IQCJ: variants seen among roughly 807,000 people sequenced by gnomAD.
IQCJ encodes the protein IQ domain-containing protein J.
Under a neutral mutation model 11.0 loss-of-function variants are expected in IQCJ, and 9 were observed. The observed-to-expected ratio is 0.82, with a 90% CI of 0.49 to 1.43. The LOEUF (loss-of-function observed/expected upper bound fraction) is 1.43. Among genes scored for constraint, IQCJ ranks in the 40% most tolerant of loss-of-function variants. The probability of loss-of-function intolerance (pLI) is 0.00; values close to 1 mark genes in which losing one functional copy is unlikely to be tolerated. For missense variants in IQCJ, 146 were observed against 133.2 expected, an observed-to-expected ratio of 1.10 and a Z score of -0.47; for synonymous variants, 55 against 51.3, an observed-to-expected ratio of 1.07 and a Z score of -0.31.
intron 1 of IQCJ, among the ~76,000 whole-genome samples, chr3:159,228,680 A>G (rs556467387): frequency 6.6e-6 from 1 of 151,872 alleles, no homozygotes; most frequent in Non-Finnish European, 1.5e-5. Flanking sequence ...AGTCCCAGCT[A>G]CTTGGGAGGC....
intron 1 of IQCJ, among the ~76,000 whole-genome samples, chr3:159,128,303 T>G (rs1501285): frequency 1 from 151,675 of 152,296 alleles, 75,534 homozygotes; most frequent in East Asian, 1. Context: ...AATTGGTTGT[T>G]GATATGTCTA....
At chr3:159,226,691 G>A (rs7609939) in intron 1 of IQCJ, among the ~76,000 whole-genome samples, 5,039 of 152,262 alleles carry the variant, frequency 0.033, 257 homozygotes, top group African/African-American at 0.12. Context: ...ATTGGGTGAG[G>A]AAAGTACAGA....
At chr3:159,134,472 A>T (rs1477206780) in intron 1 of IQCJ, among the ~76,000 whole-genome samples, 1 of 152,204 alleles carries the variant, frequency 6.6e-6, no homozygotes, top group East Asian at 1.9e-4. Context: ...TTATGATTAC[A>T]CATTTAGAAT....
intron 1 of IQCJ, among the ~76,000 whole-genome samples, chr3:159,141,439 G>A (rs1369352941): frequency 6.6e-6 from 1 of 152,134 alleles, no homozygotes; most frequent in Non-Finnish European, 1.5e-5. Context: ...GTTTTAAGCA[G>A]TAAAGGTGAG....
chr3:159,162,879 G>T (rs1293602206), intron 1 of IQCJ, among the ~76,000 whole-genome samples: 1 of 152,190 alleles, frequency 6.6e-6, no homozygotes, highest in East Asian at 1.9e-4. Flanking sequence ...CCAGGAAGAA[G>T]TTGAATCTCT....
At position 159,092,640 on chromosome 3, in the gene IQCJ, G is replaced by A. The variant is rs564131885; in HGVS notation, c.9+23199G>A. 8.2e-4 allele frequency among the ~76,000 whole-genome samples: 124 copies of A among 150,532 alleles called. 2 individuals carry two copies. Among genetic ancestry groups the A allele is most frequent in the African/African-American group, 2.9e-3 (119 of 40,354 alleles). The stretch of plus-strand genomic sequence containing the variant: ...GTGAACCTGGGAGGCGGAGCTTGCA[G>A]GGAGCCGAGATTGCACCACTGCACT... On this transcript the variant is annotated intron_variant, in intron 1 of 3. Transcript: ENST00000397832.
intron 1 of IQCJ, among the ~76,000 whole-genome samples, chr3:159,206,420 A>G (rs563635874): frequency 4.1e-4 from 63 of 152,212 alleles, no homozygotes; most frequent in Non-Finnish European, 7.5e-4. Flanking sequence ...TTCTTTAGGT[A>G]GCAACACCCC....
intron 2 of IQCJ, among the ~76,000 whole-genome samples, chr3:159,248,762 T>C (rs2108204993): frequency 6.6e-6 from 1 of 152,352 alleles, no homozygotes; most frequent in Middle Eastern, 3.4e-3. Flanking sequence ...ACTTATTCAA[T>C]AATCTCCTCA....
At chr3:159,075,990 C>T (rs1373229559) in intron 1 of IQCJ, among the ~76,000 whole-genome samples, 1 of 152,038 alleles carries the variant, frequency 6.6e-6, no homozygotes, top group Non-Finnish European at 1.5e-5. Context: ...CTGAAGCTCT[C>T]CATCCTTGGG....
At chr3:159,139,770 G>A (rs1559999914) in intron 1 of IQCJ, among the ~76,000 whole-genome samples, 1 of 152,186 alleles carries the variant, frequency 6.6e-6, no homozygotes, top group Non-Finnish European at 1.5e-5. Flanking sequence ...TGGGCCTTGA[G>A]CAAATAGTTA....
rs57810703 is a variant in IQCJ at position 159,116,614 on chromosome 3, GTATATATATA to G, written c.9+47220_9+47229del. ...TTCTATTTTAGCATCCTGCTCATAT[GTATATATATA>G]TATATATATATATATATATATATAT... On this transcript the variant is annotated intron_variant, in intron 1 of 3. Coordinates refer to ENST00000397832, the MANE Select transcript of IQCJ (RefSeq NM_001042706.3). Among the ~76,000 whole-genome samples the G allele has an allele frequency of 2.2e-3, 129 of 57,588 alleles. 1 individual carries two copies. Among genetic ancestry groups the G allele is most frequent in the Admixed American group, 5.5e-3 (23 of 4,216 alleles). 37.8% of individuals were successfully genotyped at this position (57,588 alleles called of 152,430 possible).
intron 2 of IQCJ, among the ~76,000 whole-genome samples, chr3:159,247,177 A>G (rs866271214): frequency 9.9e-5 from 15 of 151,994 alleles, no homozygotes; most frequent in African/African-American, 3.6e-4. Flanking sequence ...GCTCACTGCG[A>G]CCTCCGCCTC....
At chr3:159,077,990 A>C (rs556528489) in intron 1 of IQCJ, among the ~76,000 whole-genome samples, 1 of 152,104 alleles carries the variant, frequency 6.6e-6, no homozygotes, top group East Asian at 1.9e-4. Flanking sequence ...ACTCACGGCC[A>C]AAGCTCTAAT....
intron 1 of IQCJ, among the ~76,000 whole-genome samples, chr3:159,200,365 G>A (rs898600526): frequency 6.6e-6 from 1 of 152,060 alleles, no homozygotes; most frequent in Non-Finnish European, 1.5e-5. Context: ...GATCATGACT[G>A]TGGCATCAAA....
intron 1 of IQCJ, among the ~76,000 whole-genome samples, chr3:159,210,941 G>A (rs1372038715): frequency 1.3e-5 from 2 of 152,034 alleles, no homozygotes; most frequent in African/African-American, 4.8e-5. Context: ...CAAGTTGCTG[G>A]GATTACAGTC....
At chr3:159,153,513 T>C (rs944096944) in intron 1 of IQCJ, among the ~76,000 whole-genome samples, 4 of 152,246 alleles carry the variant, frequency 2.6e-5, no homozygotes, top group African/African-American at 9.6e-5. Flanking sequence ...TCATACTTTA[T>C]TAGACATTGC....
intron 1 of IQCJ, among the ~76,000 whole-genome samples, chr3:159,117,601 C>G (rs1020231855): frequency 2.0e-5 from 3 of 152,130 alleles, no homozygotes; most frequent in Non-Finnish European, 4.4e-5. Flanking sequence ...GTGGAAAAAG[C>G]TCTTGGCTCA....
At chr3:159,120,638 C>T (rs1719314402) in intron 1 of IQCJ, among the ~76,000 whole-genome samples, 1 of 152,202 alleles carries the variant, frequency 6.6e-6, no homozygotes, top group African/African-American at 2.4e-5. Context: ...AGACTGTCTT[C>T]CTGCCAGTAT....
chr3:159,251,620 G>GCA (rs139292697), intron 2 of IQCJ, among the ~76,000 whole-genome samples: 3,587 of 127,324 alleles, frequency 0.028, 132 homozygotes, highest in African/African-American at 0.087. Flanking sequence ...AATTTTTATT[G>GCA]CACACACACA....
Sources: allele counts gnomAD v4.1 joint callset (sites outside exome capture counted in the v4.1 genomes callset), GRCh38; gene constraint gnomAD v4.1.1; transcripts MANE v1.5; gene names NCBI Gene and HGNC (gene_info 2026-07-23, HGNC 2026-07-21).